The following FAM135A variants were observed in gnomAD, a reference collection of about 807,000 sequenced individuals.
FAM135A encodes family with sequence similarity 135 member A.
In FAM135A, 79 loss-of-function variants were observed where a neutral mutation model predicts 146.8. The ratio of observed to expected loss-of-function variants is 0.54; its 90% CI spans 0.45 to 0.65. FAM135A has a LOEUF of 0.65. Among genes scored for constraint, FAM135A ranks in the 30% least tolerant of loss-of-function variants. The pLI, the probability that FAM135A is intolerant of heterozygous loss-of-function variation, is 0.00. For synonymous variants in FAM135A, 562 were observed against 603.6 expected, an observed-to-expected ratio of 0.93 and a Z score of 1.01; for missense variants, 1,623 against 1,758.2, an observed-to-expected ratio of 0.92 and a Z score of 1.38.
At chr6:70,522,745 T>C (rs566784930) in intron 13 of FAM135A, among the ~76,000 whole-genome samples, 159 bp downstream of exon 13, 1 of 152,316 alleles carries the variant, frequency 6.6e-6, no homozygotes, top group Non-Finnish European at 1.5e-5. Context: ...TTGTTTCATC[T>C]TATTAGTTAC....
At chr6:70,516,640 A>G (rs1465276530) in intron 12 of FAM135A, among the ~76,000 whole-genome samples, 2 of 139,088 alleles carry the variant, frequency 1.4e-5, no homozygotes, top group Admixed American at 1.6e-4. Context: ...GGTTCACGCC[A>G]TTCTCCATCT....
chr6:70,513,749 ATCTC>A (rs1791584444), intron 12 of FAM135A, among the ~76,000 whole-genome samples: 1 of 152,044 alleles, frequency 6.6e-6, no homozygotes, highest in African/African-American at 2.4e-5. Context: ...TATTCTATAA[ATCTC>A]AATCAGCTCA....
At chr6:70,447,792 G>A (rs1005738860) in intron 4 of FAM135A, among the ~76,000 whole-genome samples, 5 of 151,950 alleles carry the variant, frequency 3.3e-5, no homozygotes, top group East Asian at 3.9e-4. Flanking sequence ...AGCCTGACTC[G>A]CTGATTTTTT....
chr6:70,433,077 CT>C (rs745785728), intron 4 of FAM135A, among the ~76,000 whole-genome samples: 5,158 of 139,046 alleles, frequency 0.037, 169 homozygotes, highest in East Asian at 0.089. Context: ...AATCAAGATA[CT>C]TTTTTTTTTT....
intron 3 of FAM135A, among the ~76,000 whole-genome samples, chr6:70,427,239 T>TAACA (rs1345426821): frequency 3.3e-5 from 5 of 152,044 alleles, no homozygotes; most frequent in African/African-American, 1.2e-4. Flanking sequence ...GTGTCATAGT[T>TAACA]AACAATTAAT....
intron 5 of FAM135A, among the ~76,000 whole-genome samples, chr6:70,459,448 A>G (rs1019683985): frequency 6.6e-6 from 1 of 152,216 alleles, no homozygotes; most frequent in Non-Finnish European, 1.5e-5. Context: ...GTCATCTGCA[A>G]TAACATCAGT....
At position 70,435,917 on chromosome 6, in the gene FAM135A, C is replaced by G. The variant is rs527275665; in HGVS notation, c.77+7498C>G. ...TTCATGAACTTGCCGGGTGTGGTGG[C>G]TCACGCCTGTGATCCCAGCACTTTG... is the stretch of plus-strand genomic sequence containing the variant. On this transcript the variant is annotated intron_variant, in intron 4 of 21. Transcript: ENST00000418814. Among the ~76,000 whole-genome samples, 15 of 152,250 alleles carry G rather than the reference C, an allele frequency of 9.9e-5. No individual in the cohort carries two copies. The South Asian group carries it at 2.7e-3, about 27-fold the overall frequency.
rs367746667 is a variant in FAM135A, at chr6:70,541,448, T to C, written c.4228+3047T>C. ...CTGAAAACTCCTTCTTGAAATATTTTCCTTTCTCCATTTTTGTGGGATCCA... is the reference window on the plus strand; with the variant it reads ...CTGAAAACTCCTTCTTGAAATATTTCCCTTTCTCCATTTTTGTGGGATCCA... On this transcript the variant is annotated intron_variant, in intron 20 of 21. Coordinates refer to ENST00000418814, the MANE Select transcript of FAM135A (RefSeq NM_001162529.3). Among the ~76,000 whole-genome samples, 15 of 152,336 alleles carry C rather than the reference T, an allele frequency of 9.8e-5. No individual in the cohort carries two copies. The East Asian group carries it at 2.3e-3, about 23-fold the overall frequency.
In FAM135A at chr6:70,434,886, T is replaced by C. The variant is rs188760996; in HGVS notation, c.77+6467T>C. 5.6e-3 allele frequency among the ~76,000 whole-genome samples: 853 copies of C among 152,140 alleles called. 3 individuals carry two copies. The highest frequency in any genetic ancestry group is 8.2e-3 in the Non-Finnish European group (555 of 67,992). ...GTCAGAAGTTGAAAGTAGTACTTTG[T>C]TCTTTATTTATCTGGATTACTGTAG... On this transcript the variant is annotated intron_variant, in intron 4 of 21. Coordinates refer to ENST00000418814, the MANE Select transcript of FAM135A (RefSeq NM_001162529.3).
intron 2 of FAM135A, among the ~76,000 whole-genome samples, chr6:70,423,498 C>T (rs1769332791): frequency 1.3e-5 from 2 of 152,224 alleles, no homozygotes; most frequent in South Asian, 4.1e-4. Flanking sequence ...AGGACTTGGT[C>T]CTAATCTATG....
chr6:70,466,690 A>G (rs1298117516), intron 5 of FAM135A, among the ~76,000 whole-genome samples: 2 of 152,224 alleles, frequency 1.3e-5, no homozygotes, highest in Non-Finnish European at 2.9e-5. Flanking sequence ...TGAACTTAAC[A>G]TTGCCCTCCT....
intron 18 of FAM135A, 122 bp from the exon 19 acceptor site, chr6:70,536,138 C>A: frequency 3.3e-6 from 3 of 917,554 alleles, no homozygotes; most frequent in Non-Finnish European, 4.7e-6. Context: ...TATCACTATA[C>A]TTTTACAACA....
At chr6:70,473,810 G>A (rs73482557) in intron 5 of FAM135A, among the ~76,000 whole-genome samples, 26,823 of 151,910 alleles carry the variant, frequency 0.18, 2,462 homozygotes, top group Middle Eastern at 0.22. Flanking sequence ...GCTGCCCACC[G>A]CCTTCTTGAC....
chr6:70,414,002 C>G, intron 1 of FAM135A: 1 of 985,692 alleles, frequency 1.0e-6, no homozygotes, highest in Non-Finnish European at 1.2e-6. Context: ...TCCTGAACCT[C>G]GCGCCTAGCG....
At chr6:70,549,075 TTTTA>T (rs1207743973) in intron 20 of FAM135A, among the ~76,000 whole-genome samples, 1 of 152,010 alleles carries the variant, frequency 6.6e-6, no homozygotes, top group Non-Finnish European at 1.5e-5. Context: ...GAAGGAGAAA[TTTTA>T]TTATCTTTTT....
chr6:70,420,581 T>C (rs1314740800), intron 2 of FAM135A, among the ~76,000 whole-genome samples: 1 of 152,226 alleles, frequency 6.6e-6, no homozygotes, highest in East Asian at 1.9e-4. Flanking sequence ...TAGTACTATA[T>C]TTGAAGGAGT....
chr6:70,537,390 TC>T (rs1796989468), intron 19 of FAM135A, among the ~76,000 whole-genome samples: 1 of 152,202 alleles, frequency 6.6e-6, no homozygotes, highest in Admixed American at 6.5e-5. Flanking sequence ...CTTTACCACT[TC>T]CTTTTAATGA....
chr6:70,462,487 G>C (rs576364335), intron 5 of FAM135A, among the ~76,000 whole-genome samples: 1 of 152,046 alleles, frequency 6.6e-6, no homozygotes, highest in East Asian at 1.9e-4. Context: ...AGACTGAAAT[G>C]GAGGGAAAAA....
intron 12 of FAM135A, among the ~76,000 whole-genome samples, chr6:70,509,988 A>G (rs1790629575): frequency 6.6e-6 from 1 of 152,142 alleles, no homozygotes; most frequent in African/African-American, 2.4e-5. Flanking sequence ...TACAATCTCA[A>G]ACATAGTTTT....
Sources: gnomAD v4.1 joint callset for allele counts (sites outside exome capture counted in the v4.1 genomes callset) on GRCh38, gnomAD v4.1.1 for gene constraint, MANE v1.5 for transcripts, NCBI Gene and HGNC (gene_info 2026-07-23, HGNC 2026-07-21) for gene names.